RBMS3: variants seen among roughly 807,000 people sequenced by gnomAD.
RBMS3 encodes the protein RNA-binding motif, single-stranded-interacting protein 3.
A neutral mutation model predicts 66.8 loss-of-function variants in RBMS3; 27 were observed. The observed-to-expected ratio is 0.40, with a 90% confidence interval of 0.30 to 0.56. The LOEUF (loss-of-function observed/expected upper bound fraction) is 0.56. RBMS3 is among the 20% of genes least tolerant of loss of function. RBMS3 has a pLI of 0.40. For synonymous variants in RBMS3, 188 were observed against 183.0 expected (o/e 1.03, Z -0.22); for missense variants, 513 against 549.5 (o/e 0.93, Z 0.66).
At chr3:29,772,407 GTC>G (rs1475212968) in intron 6 of RBMS3, among the ~76,000 whole-genome samples, 17 of 151,972 alleles carry the variant, frequency 1.1e-4, no homozygotes, top group African/African-American at 4.1e-4. Context: ...TTATTAAATA[GTC>G]TCTGAAAAAC....
intron 2 of RBMS3, among the ~76,000 whole-genome samples, chr3:29,435,294 G>C (rs1213074130): frequency 6.6e-6 from 1 of 152,164 alleles, no homozygotes; most frequent in Non-Finnish European, 1.5e-5. Flanking sequence ...CAAAAACTCA[G>C]AAGCGGTGGA....
intron 1 of RBMS3, among the ~76,000 whole-genome samples, chr3:29,394,085 A>C (rs148435403): frequency 7.2e-4 from 109 of 152,280 alleles, no homozygotes; most frequent in African/African-American, 2.5e-3. Context: ...AGCAAGCCTG[A>C]GATCACTGCA....
At chr3:29,523,549 T>G (rs533861844) in intron 3 of RBMS3, among the ~76,000 whole-genome samples, 1 of 152,194 alleles carries the variant, frequency 6.6e-6, no homozygotes, top group Non-Finnish European at 1.5e-5. Flanking sequence ...ATCTCCAATG[T>G]TACCTAGGGA....
rs576294269 is a variant in RBMS3 at position 29,358,501 on chromosome 3, T to C, written c.76-76242T>C. Among the ~76,000 whole-genome samples, 23 of 152,306 alleles carry C rather than the reference T, an allele frequency of 1.5e-4. No individual in the cohort carries two copies. In the South Asian group the frequency reaches 4.6e-3, roughly 30 times the overall value. On this transcript the variant is annotated intron_variant, in intron 1 of 14. Coordinates refer to ENST00000383767, the MANE Select transcript of RBMS3 (RefSeq NM_001003793.3). ...GTGTGATGCCTCCAGCTTTGTTCTT[T>C]TGGCTTAGGATTGACTTGGCAATGC...
chr3:29,465,888 T>C (rs1348744745), intron 2 of RBMS3, among the ~76,000 whole-genome samples: 2 of 152,038 alleles, frequency 1.3e-5, no homozygotes, highest in Admixed American at 1.3e-4. Context: ...CTGAGCATAT[T>C]ATGGTGGAAT....
At chr3:29,759,654 C>T (rs2149378255) in intron 5 of RBMS3, among the ~76,000 whole-genome samples, 1 of 152,196 alleles carries the variant, frequency 6.6e-6, no homozygotes, top group Non-Finnish European at 1.5e-5. Context: ...AATTGTGAAA[C>T]TTGAGAAGAA....
chr3:29,514,242 A>G (rs1240062144), intron 3 of RBMS3, among the ~76,000 whole-genome samples: 1 of 152,124 alleles, frequency 6.6e-6, no homozygotes, highest in Non-Finnish European at 1.5e-5. Context: ...TTCTTCTAAA[A>G]TTTTTAGTAC....
At chr3:29,445,236 A>G (rs1308251300) in intron 2 of RBMS3, among the ~76,000 whole-genome samples, 1 of 152,058 alleles carries the variant, frequency 6.6e-6, no homozygotes, top group Admixed American at 6.6e-5. Flanking sequence ...ATTTTATCTT[A>G]GATGCTACAT....
At chr3:29,460,733 A>T (rs750078331) in intron 2 of RBMS3, among the ~76,000 whole-genome samples, 9 of 152,216 alleles carry the variant, frequency 5.9e-5, no homozygotes, top group Non-Finnish European at 7.3e-5. Flanking sequence ...ACTTGTAGAA[A>T]TTGTAATAAT....
At chr3:29,785,743 A>G (rs961981992) in intron 6 of RBMS3, among the ~76,000 whole-genome samples, 3 of 152,136 alleles carry the variant, frequency 2.0e-5, no homozygotes, top group African/African-American at 4.8e-5. Context: ...ATTATACTGA[A>G]CAGAGAAAAG....
intron 1 of RBMS3, among the ~76,000 whole-genome samples, chr3:29,323,289 T>C (rs58361872): frequency 0.14 from 20,857 of 150,526 alleles, 1,480 homozygotes; most frequent in Middle Eastern, 0.21. Context: ...GCTTATTTTT[T>C]CACACAAAGT....
chr3:29,884,568 C>G (rs2059824375), intron 8 of RBMS3, among the ~76,000 whole-genome samples: 1 of 147,994 alleles, frequency 6.8e-6, no homozygotes. Flanking sequence ...CTTTCAAACA[C>G]TTTTTGGTGT....
intron 12 of RBMS3, among the ~76,000 whole-genome samples, chr3:29,949,238 G>A (rs1161832768): frequency 6.6e-6 from 1 of 151,354 alleles, no homozygotes; most frequent in Admixed American, 6.6e-5. Flanking sequence ...GGATAGGTGG[G>A]TGTAAAATTC....
chr3:29,369,083 T>G (rs2038055154), intron 1 of RBMS3, among the ~76,000 whole-genome samples: 1 of 152,040 alleles, frequency 6.6e-6, no homozygotes, highest in Non-Finnish European at 1.5e-5. Context: ...ATACCATATG[T>G]TCTCACTTAT....
intron 6 of RBMS3, among the ~76,000 whole-genome samples, chr3:29,852,038 T>C (rs150704130): frequency 6.6e-6 from 1 of 152,098 alleles, no homozygotes; most frequent in African/African-American, 2.4e-5. Flanking sequence ...CTTACAACTA[T>C]CTAATCTTCA....
At chr3:29,449,404 C>T (rs985892283) in intron 2 of RBMS3, among the ~76,000 whole-genome samples, 1 of 152,154 alleles carries the variant, frequency 6.6e-6, no homozygotes, top group African/African-American at 2.4e-5. Context: ...AACCACATTT[C>T]AAATGGAACT....
intron 2 of RBMS3, among the ~76,000 whole-genome samples, chr3:29,480,220 T>C (rs758185663): frequency 6.6e-6 from 1 of 152,154 alleles, no homozygotes; most frequent in Non-Finnish European, 1.5e-5. Flanking sequence ...GTTCTTAAAG[T>C]GTGGTCCTGG....
chr3:29,415,370 A>C (rs957765881), intron 1 of RBMS3, among the ~76,000 whole-genome samples: 3 of 152,228 alleles, frequency 2.0e-5, no homozygotes, highest in Non-Finnish European at 4.4e-5. Context: ...TGCAGGCACA[A>C]GACAGTAAAT....
intron 12 of RBMS3, among the ~76,000 whole-genome samples, chr3:29,983,299 C>T (rs148308244): frequency 0.027 from 4,011 of 149,706 alleles, 117 homozygotes; most frequent in East Asian, 0.16. Flanking sequence ...TATTTTGAGC[C>T]TATGTGTGTC....
Sources: allele counts gnomAD v4.1 joint callset (sites outside exome capture counted in the v4.1 genomes callset), GRCh38; gene constraint gnomAD v4.1.1; transcripts MANE v1.5; gene names NCBI Gene and HGNC (gene_info 2026-07-23, HGNC 2026-07-21).